The following AIG1 variants were observed in gnomAD, a reference collection of about 807,000 sequenced individuals.
AIG1 encodes the protein androgen-induced gene 1 protein.
Under a neutral mutation model 31.4 loss-of-function variants are expected in AIG1, and 23 were observed. That is an observed-to-expected ratio of 0.73 (90% CI 0.53 to 1.04). The LOEUF (loss-of-function observed/expected upper bound fraction) is 1.04, where lower values mean the gene tolerates loss of function less well. Ranked by LOEUF, AIG1 falls within the 50% of genes least tolerant of loss-of-function variation. The probability of loss-of-function intolerance (pLI) is 0.00; values close to 1 mark genes in which losing one functional copy is unlikely to be tolerated. For synonymous variants in AIG1, 100 were observed against 110.5 expected, an observed-to-expected ratio of 0.90 and a Z score of 0.60; for missense variants, 274 against 295.0, an observed-to-expected ratio of 0.93 and a Z score of 0.52.
chr6:143,098,580 T>C (rs1779992108), intron 1 of AIG1, among the ~76,000 whole-genome samples: 2 of 152,240 alleles, frequency 1.3e-5, no homozygotes, highest in African/African-American at 4.8e-5. Context: ...TATCTGATGT[T>C]GGTCCCCCAA....
At chr6:143,275,325 T>C (rs1022348343) in intron 3 of AIG1, among the ~76,000 whole-genome samples, 4 of 151,960 alleles carry the variant, frequency 2.6e-5, no homozygotes, top group African/African-American at 9.7e-5. Context: ...TCTCCTCTCT[T>C]CACTCCCTTC....
chr6:143,183,167 C>A (rs1788890726), intron 3 of AIG1, among the ~76,000 whole-genome samples: 1 of 149,936 alleles, frequency 6.7e-6, no homozygotes, highest in African/African-American at 2.4e-5. Flanking sequence ...ATTAGTTATT[C>A]TCTCTCTAAG....
rs1781234236 is a variant in AIG1 at position 143,111,095 on chromosome 6, T to C, written c.142-25740T>C. 2.0e-5 allele frequency among the ~76,000 whole-genome samples: 3 copies of C among 152,202 alleles called. No individual in the cohort carries two copies. In the South Asian group the frequency reaches 6.2e-4, roughly 31 times the overall value. On this transcript the variant is annotated intron_variant, in intron 1 of 5. Transcript: ENST00000357847. ...ATTTTGAAATTTAATAACTCATGTGTGAGTCAGTGACAGCATACTGTTTTA... is the reference window on the plus strand; with the variant it reads ...ATTTTGAAATTTAATAACTCATGTGCGAGTCAGTGACAGCATACTGTTTTA...
intron 3 of AIG1, among the ~76,000 whole-genome samples, chr6:143,211,663 C>T (rs1014164451): frequency 2.6e-5 from 4 of 152,106 alleles, no homozygotes; most frequent in African/African-American, 9.7e-5. Context: ...GAGGCTGAGA[C>T]GGATGGATCA....
At chr6:143,221,060 G>A (rs530315035) in intron 3 of AIG1, among the ~76,000 whole-genome samples, 4 of 152,142 alleles carry the variant, frequency 2.6e-5, no homozygotes, top group African/African-American at 9.6e-5. Context: ...ATTCCCAGGT[G>A]GGTAATTTAC....
chr6:143,148,339 A>G (rs1363054737), intron 2 of AIG1, among the ~76,000 whole-genome samples: 12 of 133,124 alleles, frequency 9.0e-5, no homozygotes, highest in African/African-American at 3.5e-4. Flanking sequence ...CATCTCTACA[A>G]AAAAAAAAAA....
intron 4 of AIG1, among the ~76,000 whole-genome samples, chr6:143,309,380 A>G (rs906253509): frequency 6.6e-6 from 1 of 152,134 alleles, no homozygotes; most frequent in Non-Finnish European, 1.5e-5. Context: ...GAAATAAAAC[A>G]TATGATTTTT....
At chr6:143,065,505 G>C (rs1029463391) in intron 1 of AIG1, among the ~76,000 whole-genome samples, 3 of 152,052 alleles carry the variant, frequency 2.0e-5, no homozygotes, top group Admixed American at 1.3e-4. Flanking sequence ...TGATTATGCT[G>C]TGTGTTACAT....
intron 1 of AIG1, among the ~76,000 whole-genome samples, chr6:143,091,630 A>G (rs1390163050): frequency 6.6e-6 from 1 of 152,256 alleles, no homozygotes; most frequent in Admixed American, 6.5e-5. Context: ...TGTTAGTCTC[A>G]TAGATGCACA....
chr6:143,273,491 C>G (rs995575744), intron 3 of AIG1, among the ~76,000 whole-genome samples: 2 of 148,878 alleles, frequency 1.3e-5, no homozygotes, highest in African/African-American at 5.2e-5. Context: ...TCCCCCATTG[C>G]TCTCTCTTCT....
intron 1 of AIG1, among the ~76,000 whole-genome samples, chr6:143,080,726 A>G (rs1245211408): frequency 6.6e-6 from 1 of 152,134 alleles, no homozygotes; most frequent in Non-Finnish European, 1.5e-5. Context: ...CTAGAGGTTC[A>G]CAGGAATAGC....
At chr6:143,341,164 A>G (rs2128728617), downstream of AIG1, among the ~76,000 whole-genome samples, 1 of 152,298 alleles carries the variant, frequency 6.6e-6, no homozygotes, top group Middle Eastern at 3.4e-3. Context: ...TAGCAGCATT[A>G]CCATATTAGT....
intron 3 of AIG1, among the ~76,000 whole-genome samples, chr6:143,275,960 TC>T (rs1796865965): frequency 6.6e-6 from 1 of 152,156 alleles, no homozygotes; most frequent in Admixed American, 6.5e-5. Context: ...CAAAAAGAAT[TC>T]CTTAATTGGT....
chr6:143,224,681 TGTA>T (rs902959887), intron 3 of AIG1, among the ~76,000 whole-genome samples: 1 of 152,150 alleles, frequency 6.6e-6, no homozygotes, highest in African/African-American at 2.4e-5. Flanking sequence ...CTATGAGTAA[TGTA>T]GTAGGTCCTC....
intron 4 of AIG1, among the ~76,000 whole-genome samples, chr6:143,324,137 A>G (rs1776429057): frequency 6.6e-6 from 1 of 152,336 alleles, no homozygotes; most frequent in South Asian, 2.1e-4. Flanking sequence ...CAAGCCATGC[A>G]GTAAATTCCA....
chr6:143,161,596 T>C (rs192892508), intron 2 of AIG1, among the ~76,000 whole-genome samples: 4 of 151,322 alleles, frequency 2.6e-5, no homozygotes, highest in East Asian at 3.9e-4. Context: ...TAAATTATCA[T>C]ATATGATGAC....
chr6:143,301,372 G>C (rs1798813418), intron 4 of AIG1, among the ~76,000 whole-genome samples: 1 of 152,284 alleles, frequency 6.6e-6, no homozygotes, highest in South Asian at 2.1e-4. Flanking sequence ...TTCCATGGTA[G>C]CAGTCTTTCT....
At chr6:143,335,254 C>A in intron 5 of AIG1, 1 of 766,332 alleles carries the variant, frequency 1.3e-6, no homozygotes, top group Non-Finnish European at 1.8e-6. Context: ...GTGATTTTGG[C>A]TGGGCGCAGT....
chr6:143,264,233 T>C (rs1796000646), intron 3 of AIG1, among the ~76,000 whole-genome samples: 1 of 152,228 alleles, frequency 6.6e-6, no homozygotes, highest in Admixed American at 6.5e-5. Flanking sequence ...TCCTTTATCT[T>C]GTGCCCACAC....
Sources: allele counts gnomAD v4.1 joint callset (sites outside exome capture counted in the v4.1 genomes callset), GRCh38; gene constraint gnomAD v4.1.1; transcripts MANE v1.5; gene names NCBI Gene and HGNC (gene_info 2026-07-23, HGNC 2026-07-21).